The following LPA variants were observed in gnomAD, a reference collection of about 807,000 sequenced individuals.
LPA encodes lipoprotein(a).
In LPA, 199 loss-of-function variants were observed where a neutral mutation model predicts 197.9. That is an observed-to-expected ratio of 1.01 (90% CI 0.90 to 1.13). The LOEUF (loss-of-function observed/expected upper bound fraction) is 1.13, where lower values mean the gene tolerates loss of function less well. Ranked by LOEUF, LPA falls within the 50% of genes most tolerant of loss-of-function variation. The pLI, the probability that LPA is intolerant of heterozygous loss-of-function variation, is 0.00. For synonymous variants in LPA, 715 were observed against 639.5 expected (o/e 1.12, Z -1.78); for missense variants, 1,853 against 1,785.8 (o/e 1.04, Z -0.68).
At position 160,576,392 on chromosome 6, in the gene LPA, A is replaced by G. The variant is rs141952652; in HGVS notation, c.4631+744T>C. ...CATATATATATATATATATATATGT[A>G]TATATATATATATATATATATATGG... On this transcript the variant is annotated intron_variant, in intron 28 of 38. Transcript: ENST00000316300. Among the ~76,000 whole-genome samples, 203 of 67,850 alleles carry G rather than the reference A, an allele frequency of 3.0e-3. 5 individuals are homozygous for G. Among genetic ancestry groups the G allele is most frequent in the Non-Finnish European group, 3.8e-3 (144 of 38,000 alleles). The allele number at this position is 67,850 out of a possible 152,430, so 44.5% of individuals were successfully genotyped here.
At chr6:160,551,320 A>G (rs1477798080) in intron 30 of LPA, among the ~76,000 whole-genome samples, 1 of 152,112 alleles carries the variant, frequency 6.6e-6, no homozygotes, top group Non-Finnish European at 1.5e-5. Flanking sequence ...TCAGGTGCTT[A>G]TTGGCTATGT....
At chr6:160,605,024 A>C in intron 18 of LPA, 22 bp downstream of exon 18, 17 of 1,612,902 alleles carry the variant, frequency 1.1e-5, no homozygotes, top group Non-Finnish European at 1.4e-5. Context: ...TCCTTCACTT[A>C]TGGTAAAGAA....
At chr6:160,608,301 G>A (rs770891361) in intron 16 of LPA, among the ~76,000 whole-genome samples, 32 of 152,222 alleles carry the variant, frequency 2.1e-4, no homozygotes, top group Middle Eastern at 3.4e-3. Flanking sequence ...GTTTGGGGCA[G>A]TGCACAACAT....
chr6:160,573,934 T>A (rs1394910805), intron 28 of LPA, among the ~76,000 whole-genome samples: 1 of 152,130 alleles, frequency 6.6e-6, no homozygotes, highest in African/African-American at 2.4e-5. Context: ...GGAGAGGGAC[T>A]AGAGGTGGGT....
chr6:160,532,709 T>A, intron 37 of LPA, 60 bp from the exon 38 acceptor site: 1 of 1,184,746 alleles, frequency 8.4e-7, no homozygotes, highest in South Asian at 1.2e-5. Flanking sequence ...ACGAGGAAAT[T>A]CCAGAAGAAC....
chr6:160,599,793 G>T lies in LPA; in HGVS notation c.3128-134C>A, dbSNP rs1779203774. 40 of 932,260 alleles carry T rather than the reference G, an allele frequency of 4.3e-5. 1 individual carries two copies. The South Asian group carries it at 5.5e-4, about 13-fold the overall frequency. 57.7% of individuals were successfully genotyped at this position (932,260 alleles called of 1,614,324 possible). On this transcript the variant is annotated intron_variant, in intron 19 of 38. Transcript: ENST00000316300. ...CTCTATTCTTTATTAATAGGCAAATGGACATGAGAAAACACACAAACAAAC... is the reference window on the plus strand; with the variant it reads ...CTCTATTCTTTATTAATAGGCAAATTGACATGAGAAAACACACAAACAAAC...
chr6:160,581,322 G>A (rs1778791063), intron 26 of LPA, among the ~76,000 whole-genome samples: 1 of 151,998 alleles, frequency 6.6e-6, no homozygotes, highest in South Asian at 2.1e-4. Context: ...GAGAGAGAGG[G>A]AAGGTTTTAA....
intron 30 of LPA, among the ~76,000 whole-genome samples, chr6:160,551,238 A>C (rs1485031334): frequency 6.6e-6 from 1 of 152,160 alleles, no homozygotes; most frequent in African/African-American, 2.4e-5. Flanking sequence ...ATCCATGTCC[A>C]TTGGGTGTTT....
chr6:160,573,648 T>C (rs1251663575), intron 28 of LPA, among the ~76,000 whole-genome samples: 1 of 152,236 alleles, frequency 6.6e-6, no homozygotes, highest in Non-Finnish European at 1.5e-5. Context: ...TCTTTTCCTA[T>C]GGATGTGGCT....
At chr6:160,566,761 GAC>G (rs1246630798) in intron 28 of LPA, among the ~76,000 whole-genome samples, 1 of 152,106 alleles carries the variant, frequency 6.6e-6, no homozygotes. Context: ...CACGTGCAGA[GAC>G]ACACATAGGC....
chr6:160,641,070 A>G (rs1211884253), intron 4 of LPA, among the ~76,000 whole-genome samples: 1 of 139,372 alleles, frequency 7.2e-6, no homozygotes, highest in Non-Finnish European at 1.6e-5. Context: ...TAAATAAAAA[A>G]TCTAAAGTAG....
In LPA at chr6:160,531,824, A is replaced by G; in HGVS notation, c.6028T>C (p.Trp2010Arg). ...DKYILQGVTSWGLGCARPNKP... is the reference protein window; with the variant it reads ...DKYILQGVTSRGLGCARPNKP... ...TTGGGGCGTGCACAGCCAAGACCCCAAGAAGTGACTCCTTGTAAAATGTAT... is the reference window on the plus strand; with the variant it reads ...TTGGGGCGTGCACAGCCAAGACCCCGAGAAGTGACTCCTTGTAAAATGTAT... Residue 2010 changes from tryptophan (W) to arginine (R), a missense_variant, in exon 39 of 39, where the codon TGG becomes CGG. By Grantham distance (101) the Trp-to-Arg change is moderately radical (BLOSUM62 -3). Transcript: ENST00000316300. 1 of 1,614,142 alleles carries G rather than the reference A, an allele frequency of 6.2e-7. No homozygotes were observed. The highest frequency in any genetic ancestry group is 8.5e-7 in the Non-Finnish European group (1 of 1,180,014).
intron 30 of LPA, among the ~76,000 whole-genome samples, chr6:160,549,566 CT>C (rs1171986386): frequency 6.6e-6 from 1 of 152,222 alleles, no homozygotes; most frequent in Non-Finnish European, 1.5e-5. Flanking sequence ...CTCCCTTACT[CT>C]CTGTACTAGT....
At chr6:160,615,376 G>T (rs1177105915) in intron 14 of LPA, among the ~76,000 whole-genome samples, 2 of 137,974 alleles carry the variant, frequency 1.4e-5, no homozygotes, top group African/African-American at 2.9e-5. Flanking sequence ...GTGTGTGTGT[G>T]TGTGTGTGTA....
intron 28 of LPA, among the ~76,000 whole-genome samples, chr6:160,566,222 A>T (rs539497797): frequency 5.9e-5 from 9 of 152,192 alleles, no homozygotes; most frequent in Non-Finnish European, 1.3e-4. Context: ...TCCAAGACAC[A>T]TAATTGTCAG....
intron 1 of LPA, among the ~76,000 whole-genome samples, chr6:160,654,832 T>C (rs1433418924): frequency 6.6e-6 from 1 of 152,222 alleles, no homozygotes; most frequent in Non-Finnish European, 1.5e-5. Flanking sequence ...GTGGATATAG[T>C]GCTGCAGCTG....
At chr6:160,663,698 C>G (rs1182649604) in intron 1 of LPA, among the ~76,000 whole-genome samples, 2 of 152,210 alleles carry the variant, frequency 1.3e-5, no homozygotes, top group Admixed American at 6.5e-5. Context: ...CAGGCCATAA[C>G]AAAGAGAGAA....
intron 22 of LPA, among the ~76,000 whole-genome samples, chr6:160,591,789 T>A (rs1779034627): frequency 6.6e-6 from 1 of 150,610 alleles, no homozygotes; most frequent in Admixed American, 6.6e-5. Flanking sequence ...TACTCCTTTG[T>A]TGGTCTATTT....
intron 33 of LPA, among the ~76,000 whole-genome samples, chr6:160,544,908 C>T (rs1436258822): frequency 2.6e-5 from 4 of 152,106 alleles, no homozygotes; most frequent in East Asian, 1.9e-4. Flanking sequence ...TAAGCAATGT[C>T]GCTAATGGGA....
Sources: allele counts gnomAD v4.1 joint callset (sites outside exome capture counted in the v4.1 genomes callset), GRCh38; gene constraint gnomAD v4.1.1; transcripts MANE v1.5; gene names NCBI Gene and HGNC (gene_info 2026-07-23, HGNC 2026-07-21).